The following AHCYL2 variants were observed in gnomAD, a reference collection of about 807,000 sequenced individuals.
The protein encoded by AHCYL2 is adenosylhomocysteinase like 2.
Under a neutral mutation model 81.4 loss-of-function variants are expected in AHCYL2, and 28 were observed. That is an observed-to-expected ratio of 0.34 (90% CI 0.25 to 0.47). AHCYL2 has a LOEUF of 0.47. Among genes scored for constraint, AHCYL2 ranks in the 20% least tolerant of loss-of-function variants. The pLI, the probability that AHCYL2 is intolerant of heterozygous loss-of-function variation, is 1.00. For missense variants in AHCYL2, 551 were observed against 785.1 expected (o/e 0.70, Z 3.56); for synonymous variants, 272 against 290.2 (o/e 0.94, Z 0.64).
intron 1 of AHCYL2, among the ~76,000 whole-genome samples, chr7:129,234,536 T>C (rs1196323513): frequency 6.6e-6 from 1 of 152,120 alleles, no homozygotes; most frequent in Non-Finnish European, 1.5e-5. Context: ...AGCCCACACC[T>C]GGCCAAGATG....
At chr7:129,240,414 G>A (rs1036188667) in intron 1 of AHCYL2, among the ~76,000 whole-genome samples, 3 of 151,788 alleles carry the variant, frequency 2.0e-5, no homozygotes, top group Admixed American at 6.6e-5. Flanking sequence ...TTCATGGAGC[G>A]TGAATAGTGT....
chr7:129,279,900 GCAC>G (rs1796369514), intron 1 of AHCYL2, among the ~76,000 whole-genome samples: 1 of 152,124 alleles, frequency 6.6e-6, no homozygotes, highest in Non-Finnish European at 1.5e-5. Context: ...ACAACCAGAG[GCAC>G]CTCTTGGTTT....
At chr7:129,265,429 G>A (rs1795784000) in intron 1 of AHCYL2, among the ~76,000 whole-genome samples, 1 of 152,084 alleles carries the variant, frequency 6.6e-6, no homozygotes, top group South Asian at 2.1e-4. Context: ...AAGAGATGAG[G>A]GAGTTGAATG....
At chr7:129,338,488 G>A (rs1191474568) in intron 1 of AHCYL2, among the ~76,000 whole-genome samples, 3 of 152,160 alleles carry the variant, frequency 2.0e-5, no homozygotes, top group Non-Finnish European at 2.9e-5. Flanking sequence ...TTACTAAATG[G>A]CTTTTCATGG....
chr7:129,427,047 T>A lies in AHCYL2; in HGVS notation c.*2T>A. On this transcript the variant is annotated 3_prime_UTR_variant, in exon 17 of 17. Transcript: ENST00000325006. This position sits in a 1 kb window ranked among gnomAD's most constrained non-coding sequence, Gnocchi z 5.5. The stretch of plus-strand genomic sequence containing the variant: ...TTTCTTTTTCCCTCCAGGTATTAAG[T>A]TCCTGTAACTCAAACCAGAATTTTT... The A allele has an allele frequency of 6.2e-7, 1 of 1,610,100 alleles. No individual in the cohort carries two copies. Among genetic ancestry groups the A allele is most frequent in the South Asian group, 1.1e-5 (1 of 90,980 alleles).
chr7:129,369,691 T>C (rs1794285815), intron 1 of AHCYL2, among the ~76,000 whole-genome samples: 1 of 152,072 alleles, frequency 6.6e-6, no homozygotes. Flanking sequence ...TAGCTGGGAT[T>C]ACAGGTGTGC....
At chr7:129,330,700 AT>A (rs1393240621) in intron 1 of AHCYL2, among the ~76,000 whole-genome samples, 3 of 152,120 alleles carry the variant, frequency 2.0e-5, no homozygotes, top group African/African-American at 7.2e-5. Flanking sequence ...CGACCTCGTG[AT>A]CCACCCGCCT....
chr7:129,421,144 C>T (rs1251120784), intron 12 of AHCYL2, among the ~76,000 whole-genome samples: 3 of 151,552 alleles, frequency 2.0e-5, no homozygotes, highest in Admixed American at 2.0e-4. Flanking sequence ...CCCAGCTATT[C>T]GGGAGGCTGA....
chr7:129,306,507 G>A (rs181079693), intron 1 of AHCYL2, among the ~76,000 whole-genome samples: 4 of 151,926 alleles, frequency 2.6e-5, no homozygotes, highest in African/African-American at 4.8e-5. Context: ...ATGTCATCTC[G>A]AATTTCTTTG....
Position 129,290,028 on chromosome 7 carries a change from C to T in AHCYL2, c.363+64589C>T, listed in dbSNP as rs187138141. Among the ~76,000 whole-genome samples, 13 of 152,028 alleles carry T rather than the reference C, an allele frequency of 8.6e-5. No homozygotes were observed. In the East Asian group the frequency reaches 1.2e-3, roughly 14 times the overall value. On this transcript the variant is annotated intron_variant, in intron 1 of 16. Transcript: ENST00000325006. ...AACTCTTGACCTCAGGTGATCCTCC[C>T]GCCTCGGCCTCCCAAAGTACTAGGA...
At position 129,300,370 on chromosome 7, in the gene AHCYL2, C is replaced by T. The variant is rs139774592; in HGVS notation, c.363+74931C>T. Among the ~76,000 whole-genome samples the T allele has an allele frequency of 3.1e-3, 471 of 152,120 alleles. 2 individuals carry two copies. The highest frequency in any genetic ancestry group is 0.017 in the Middle Eastern group (5 of 294). On this transcript the variant is annotated intron_variant, in intron 1 of 16. Transcript: ENST00000325006. ...GTTCAATTCTTTTAATTTTTATCTC[C>T]CAGAAATAGGTGAGAATATGCAAAG...
At chr7:129,239,079 CAT>C (rs1794745154) in intron 1 of AHCYL2, among the ~76,000 whole-genome samples, 1 of 152,186 alleles carries the variant, frequency 6.6e-6, no homozygotes, top group African/African-American at 2.4e-5. Context: ...ATGGGAGACT[CAT>C]ATTTAAAACA....
At chr7:129,411,770 A>G (rs988474737) in intron 11 of AHCYL2, among the ~76,000 whole-genome samples, 1 of 152,006 alleles carries the variant, frequency 6.6e-6, no homozygotes, top group African/African-American at 2.4e-5. Context: ...AAAAAAAAAA[A>G]AAAAAGGAAT....
intron 1 of AHCYL2, among the ~76,000 whole-genome samples, chr7:129,256,551 C>CT (rs1795433320): frequency 9.9e-6 from 1 of 100,994 alleles, no homozygotes; most frequent in Non-Finnish European, 2.1e-5. Flanking sequence ...CACCCCCCAC[C>CT]CCCCCCCCGC....
chr7:129,235,371 A>C (rs888664044), intron 1 of AHCYL2, among the ~76,000 whole-genome samples: 2 of 151,748 alleles, frequency 1.3e-5, no homozygotes, highest in Admixed American at 1.3e-4. Context: ...CTGAACCTAA[A>C]GGACTAGGAT....
chr7:129,310,383 C>T (rs1797611736), intron 1 of AHCYL2, among the ~76,000 whole-genome samples: 1 of 152,016 alleles, frequency 6.6e-6, no homozygotes, highest in South Asian at 2.1e-4. Context: ...GTGGAATCAC[C>T]AGGGAGTTTA....
chr7:129,426,943 C>G lies in AHCYL2; in HGVS notation c.1830-96C>G, dbSNP rs1385229306. The G allele has an allele frequency of 7.7e-7, 1 of 1,297,984 alleles. No homozygotes were observed. Among genetic ancestry groups the G allele is most frequent in the Non-Finnish European group, 1.1e-6 (1 of 910,296 alleles). The allele number at this position is 1,297,984 out of a possible 1,614,324, so 80.4% of individuals were successfully genotyped here. Reference sequence around the variant, plus strand: ...CTGTCACTGTACACTCCAGAAAAGTCTCTGCCTCCCTGTTACACCTTTAGG... The same window carrying G: ...CTGTCACTGTACACTCCAGAAAAGTGTCTGCCTCCCTGTTACACCTTTAGG... On this transcript the variant is annotated intron_variant, in intron 16 of 16. Transcript: ENST00000325006. This position sits in a 1 kb window ranked among gnomAD's most constrained non-coding sequence, Gnocchi z 4.3.
intron 1 of AHCYL2, among the ~76,000 whole-genome samples, chr7:129,335,953 T>C (rs1210285895): frequency 6.6e-6 from 1 of 152,166 alleles, no homozygotes; most frequent in Non-Finnish European, 1.5e-5. Flanking sequence ...GCCACGTGTT[T>C]AAAACTGCCA....
chr7:129,239,513 C>G (rs527887115), intron 1 of AHCYL2, among the ~76,000 whole-genome samples: 15 of 150,784 alleles, frequency 9.9e-5, no homozygotes, highest in Non-Finnish European at 1.8e-4. Context: ...ATGGTGTGAT[C>G]ATAGTTCACT....
Sources: allele counts gnomAD v4.1 joint callset (sites outside exome capture counted in the v4.1 genomes callset), GRCh38; gene constraint gnomAD v4.1.1; non-coding constraint Gnocchi (gnomAD v3.1); transcripts MANE v1.5; gene names NCBI Gene and HGNC (gene_info 2026-07-23, HGNC 2026-07-21).